The following RABGAP1L variants were observed in gnomAD, a reference collection of about 807,000 sequenced individuals.
RABGAP1L encodes rab GTPase-activating protein 1-like.
A neutral mutation model predicts 137.7 loss-of-function variants in RABGAP1L; 63 were observed. The observed-to-expected ratio is 0.46, with a 90% CI of 0.37 to 0.56. The LOEUF is 0.56. RABGAP1L is among the 20% of genes least tolerant of loss of function. The probability of loss-of-function intolerance (pLI) is 0.00; values close to 1 mark genes in which losing one functional copy is unlikely to be tolerated. For missense variants in RABGAP1L, 1,095 were observed against 1,244.0 expected, an observed-to-expected ratio of 0.88 and a Z score of 1.80; for synonymous variants, 431 against 433.7, an observed-to-expected ratio of 0.99 and a Z score of 0.08.
intron 19 of RABGAP1L, among the ~76,000 whole-genome samples, chr1:174,874,066 A>G (rs1652658023): frequency 6.6e-6 from 1 of 152,218 alleles, no homozygotes; most frequent in African/African-American, 2.4e-5. Context: ...GGACAAAATT[A>G]GCTACTAGTA....
At chr1:174,614,108 A>G (rs534447890) in intron 13 of RABGAP1L, among the ~76,000 whole-genome samples, 2 of 152,078 alleles carry the variant, frequency 1.3e-5, no homozygotes, top group Non-Finnish European at 2.9e-5. Flanking sequence ...TTATGATGTT[A>G]GCTGGTGATT....
chr1:174,851,434 G>A (rs2148987709), intron 19 of RABGAP1L, among the ~76,000 whole-genome samples: 1 of 85,218 alleles, frequency 1.2e-5, no homozygotes, highest in East Asian at 6.3e-4. Context: ...TGCAGAGAAT[G>A]AATTTTTTAT....
At chr1:174,866,163 G>T (rs1163701741) in intron 19 of RABGAP1L, among the ~76,000 whole-genome samples, 14 of 100,788 alleles carry the variant, frequency 1.4e-4, no homozygotes, top group East Asian at 8.9e-4. Flanking sequence ...GAGAGAGAGA[G>T]ATGCCAGCCT....
chr1:174,333,086 G>A (rs1341236861), intron 11 of RABGAP1L, among the ~76,000 whole-genome samples: 4 of 152,208 alleles, frequency 2.6e-5, no homozygotes, highest in African/African-American at 9.6e-5. Context: ...AATACTGCAT[G>A]ATCTCACTCA....
At chr1:174,684,609 T>A (rs1678322099) in intron 15 of RABGAP1L, among the ~76,000 whole-genome samples, 1 of 152,170 alleles carries the variant, frequency 6.6e-6, no homozygotes, top group South Asian at 2.1e-4. Flanking sequence ...TATGATCATT[T>A]TAGATAAATC....
intron 13 of RABGAP1L, among the ~76,000 whole-genome samples, chr1:174,451,337 G>A (rs1391548085): frequency 6.6e-6 from 1 of 152,180 alleles, no homozygotes; most frequent in African/African-American, 2.4e-5. Flanking sequence ...AAAGGACCCA[G>A]TGGATTCTGT....
intron 19 of RABGAP1L, chr1:174,849,752 G>A: frequency 2.0e-6 from 1 of 491,916 alleles, no homozygotes; most frequent in Non-Finnish European, 4.1e-6. Flanking sequence ...GGTATTCTTG[G>A]GCTATTTTCT....
chr1:174,479,464 T>G (rs1255146062), intron 13 of RABGAP1L, among the ~76,000 whole-genome samples: 3 of 152,168 alleles, frequency 2.0e-5, no homozygotes, highest in Non-Finnish European at 4.4e-5. Context: ...CTCCTCAGAT[T>G]TTGATGCATA....
At chr1:174,576,860 G>T (rs997492480) in intron 13 of RABGAP1L, among the ~76,000 whole-genome samples, 1 of 152,098 alleles carries the variant, frequency 6.6e-6, no homozygotes, top group South Asian at 2.1e-4. Flanking sequence ...GCTAAATAAC[G>T]GAGCTATCTT....
intron 13 of RABGAP1L, among the ~76,000 whole-genome samples, chr1:174,434,111 ACAC>A (rs1652973434): frequency 9.8e-6 from 1 of 102,306 alleles, no homozygotes; most frequent in Non-Finnish European, 1.8e-5. Flanking sequence ...GTACACATAC[ACAC>A]ACACACACAC....
intron 9 of RABGAP1L, 61 bp from the exon 10 acceptor site, chr1:174,278,552 T>TA: frequency 7.4e-7 from 1 of 1,349,106 alleles, no homozygotes; most frequent in Admixed American, 2.2e-5. Flanking sequence ...TGAGGAAACT[T>TA]TGTTTAAAGT....
At chr1:174,458,194 A>G (rs766591340) in intron 13 of RABGAP1L, among the ~76,000 whole-genome samples, 3 of 152,150 alleles carry the variant, frequency 2.0e-5, no homozygotes, top group Non-Finnish European at 2.9e-5. Context: ...ACTGGACCAT[A>G]GCAGCACTCA....
chr1:174,877,831 A>G (rs1223696546), intron 19 of RABGAP1L, among the ~76,000 whole-genome samples: 2 of 152,154 alleles, frequency 1.3e-5, no homozygotes, highest in African/African-American at 4.8e-5. Context: ...TAGAGTGCCA[A>G]ATATCACTTT....
chr1:174,858,286 G>A (rs1285979716), intron 19 of RABGAP1L, among the ~76,000 whole-genome samples: 1 of 152,106 alleles, frequency 6.6e-6, no homozygotes, highest in East Asian at 1.9e-4. Flanking sequence ...TCAAAGTATT[G>A]GAATTACAGG....
intron 13 of RABGAP1L, among the ~76,000 whole-genome samples, chr1:174,438,612 G>C (rs868518158): frequency 3.3e-5 from 5 of 151,326 alleles, no homozygotes; most frequent in Middle Eastern, 3.4e-3. Context: ...CAGCTACTTG[G>C]GAGGCTGAGG....
intron 20 of RABGAP1L, chr1:174,957,827 TC>T: frequency 2.8e-6 from 4 of 1,423,736 alleles, no homozygotes; most frequent in Non-Finnish European, 3.9e-6. Context: ...ATGCTAACTG[TC>T]CAGGTATGTT....
chr1:174,898,661 G>C (rs1324518188), intron 19 of RABGAP1L, among the ~76,000 whole-genome samples: 2 of 152,144 alleles, frequency 1.3e-5, no homozygotes, highest in African/African-American at 2.4e-5. Context: ...GCAGTTCTCT[G>C]TTGGGCTTTG....
intron 4 of RABGAP1L, among the ~76,000 whole-genome samples, chr1:174,231,899 C>CA (rs1386153597): frequency 1.3e-5 from 2 of 152,184 alleles, no homozygotes; most frequent in African/African-American, 4.8e-5. Context: ...TCACCAGCCC[C>CA]ACCTCCAACA....
intron 13 of RABGAP1L, among the ~76,000 whole-genome samples, chr1:174,534,387 A>C (rs148873142): frequency 2.0e-5 from 3 of 152,196 alleles, no homozygotes; most frequent in African/African-American, 7.2e-5. Flanking sequence ...TTAGTACTAA[A>C]TCCTGTATAC....
Sources: allele counts gnomAD v4.1 joint callset (sites outside exome capture counted in the v4.1 genomes callset), GRCh38; gene constraint gnomAD v4.1.1; transcripts MANE v1.5; gene names NCBI Gene and HGNC (gene_info 2026-07-23, HGNC 2026-07-21).